The following ADAMTSL2 variants were observed in gnomAD, a reference collection of about 807,000 sequenced individuals.
ADAMTSL2 encodes the protein ADAMTS like 2.
A neutral mutation model predicts 117.0 loss-of-function variants in ADAMTSL2; 55 were observed. That is an observed-to-expected ratio of 0.47 (90% CI 0.38 to 0.59). ADAMTSL2 has a LOEUF of 0.59. Ranked by LOEUF, ADAMTSL2 falls within the 20% of genes least tolerant of loss-of-function variation. The pLI, the probability that ADAMTSL2 is intolerant of heterozygous loss-of-function variation, is 0.00. For synonymous variants in ADAMTSL2, 572 were observed against 566.4 expected, an observed-to-expected ratio of 1.01 and a Z score of -0.14; for missense variants, 1,182 against 1,354.5, an observed-to-expected ratio of 0.87 and a Z score of 2.00.
chr9:133,541,118 G>A (rs1463959365), intron 7 of ADAMTSL2, 117 bp downstream of exon 7: 1 of 1,454,446 alleles, frequency 6.9e-7, no homozygotes, highest in Non-Finnish European at 9.4e-7. Flanking sequence ...CCCCTCTAGG[G>A]GCACCTGATT....
At chr9:133,571,961 C>T (rs370822087) in intron 17 of ADAMTSL2, among the ~76,000 whole-genome samples, 3 of 152,190 alleles carry the variant, frequency 2.0e-5, no homozygotes, top group Non-Finnish European at 2.9e-5. Flanking sequence ...CAGGCCCTGG[C>T]GCCCGAGGGC....
chr9:133,572,165 C>G lies in ADAMTSL2; in HGVS notation c.2592+1658C>G, dbSNP rs1233584240. On this transcript the variant is annotated intron_variant, in intron 17 of 18. Transcript: ENST00000651351. Reference sequence around the variant, plus strand: ...CGCTTGGTGGTGTCTGGCCTCCACCCTGCCCCGCCACCCCCCACCCCCCAC... The same window carrying G: ...CGCTTGGTGGTGTCTGGCCTCCACCGTGCCCCGCCACCCCCCACCCCCCAC... 6.7e-5 allele frequency among the ~76,000 whole-genome samples: 10 copies of G among 148,290 alleles called. No homozygotes were observed. In the East Asian group the frequency reaches 2.0e-3, roughly 30 times the overall value.
intron 5 of ADAMTSL2, 144 bp downstream of exon 5, chr9:133,540,017 C>G (rs1830173189): frequency 1.3e-6 from 1 of 770,180 alleles, no homozygotes; most frequent in Admixed American, 2.0e-5. Context: ...GAACCTGGGT[C>G]TCCTGAGCCC....
chr9:133,561,064 G>A (rs1472351245), intron 11 of ADAMTSL2, 134 bp from the exon 12 acceptor site: 1 of 773,648 alleles, frequency 1.3e-6, no homozygotes, highest in Non-Finnish European at 2.3e-6. Context: ...GTGGAGGGTC[G>A]GCCCGGGGCT....
chr9:133,545,948 G>A (rs572385374), intron 8 of ADAMTSL2, among the ~76,000 whole-genome samples: 131 of 152,222 alleles, frequency 8.6e-4, no homozygotes, highest in African/African-American at 2.9e-3. Context: ...AAGCAGACAT[G>A]TCCTGCTTGT....
chr9:133,561,241 A>C lies in ADAMTSL2; in HGVS notation c.1693A>C (p.Met565Leu). 5 of 1,608,660 alleles carry C rather than the reference A, an allele frequency of 3.1e-6. No individual in the cohort carries two copies. Among genetic ancestry groups the C allele is most frequent in the Non-Finnish European group, 4.2e-6 (5 of 1,178,070 alleles). Reference protein sequence around the residue: ...ARKQGVSPADMYRWKLSSHEP... With the variant: ...ARKQGVSPADLYRWKLSSHEP... ...CAAGCAAGGCGTGAGTCCCGCGGAC[A>C]TGTACCGGTGGAAGCTCTCGTCCCA... The change falls in exon 12 of 19, where the codon ATG becomes CTG. Residue 565 changes from methionine (M) to leucine (L), a missense_variant. Coordinates refer to ENST00000651351, the MANE Select transcript of ADAMTSL2 (RefSeq NM_014694.4).
intron 18 of ADAMTSL2, 139 bp from the exon 19 acceptor site, chr9:133,574,607 G>T (rs1373440219): frequency 9.0e-6 from 7 of 776,706 alleles, no homozygotes; most frequent in Non-Finnish European, 1.7e-5. Context: ...GAAGGAGGGG[G>T]CAGAGAGCTA....
In ADAMTSL2 at chr9:133,557,647, C is replaced by T. The variant is rs960539210; in HGVS notation, c.1649+1717C>T. 6.6e-6 allele frequency among the ~76,000 whole-genome samples: 1 copy of T among 152,214 alleles called. No individual in the cohort carries two copies. The highest frequency in any genetic ancestry group is 1.5e-5 in the Non-Finnish European group (1 of 68,030). ...TCTGTCTGTGTCTTCAGCGTGGGCC[C>T]TCTTCACCTCCCAGGGCAGTCCGGG... On this transcript the variant is annotated intron_variant, in intron 11 of 18. Coordinates refer to ENST00000651351, the MANE Select transcript of ADAMTSL2 (RefSeq NM_014694.4). This position sits in a 1 kb window ranked among gnomAD's most constrained non-coding sequence, Gnocchi z 5.2.
chr9:133,560,089 G>A (rs1442250679), intron 11 of ADAMTSL2, among the ~76,000 whole-genome samples: 5 of 152,318 alleles, frequency 3.3e-5, no homozygotes, highest in East Asian at 3.9e-4. Context: ...TCTGTATCAC[G>A]GAGTCAATCT....
chr9:133,537,264 G>C (rs1324051650), intron 2 of ADAMTSL2, 141 bp from the exon 3 acceptor site: 1 of 935,708 alleles, frequency 1.1e-6, no homozygotes, highest in African/African-American at 1.7e-5. Flanking sequence ...CCAAGCTGCC[G>C]AGTGACCCTG....
rs1461499388 is a variant in ADAMTSL2 at position 133,554,590 on chromosome 9, G to A, written c.1173G>A (p.Leu391=). ...ACCGGCTGTTCGGCCACCCGGGCCT[G>A]GACATGGAGCTGGGCCCCAGCCAGG... ...LDNRLFGHPG[L]DMELGPSQGQ... The change falls in exon 10 of 19, where the codon CTG becomes CTA. Residue 391 remains leucine, a synonymous_variant. Coordinates refer to ENST00000651351, the MANE Select transcript of ADAMTSL2 (RefSeq NM_014694.4). The surrounding 1 kb of genome is among the most constrained non-coding windows in gnomAD (Gnocchi z 5.2). 42 of 1,548,522 alleles carry A rather than the reference G, an allele frequency of 2.7e-5. No individual in the cohort carries two copies. The highest frequency in any genetic ancestry group is 5.5e-5 in the African/African-American group (4 of 73,364).
In ADAMTSL2 at chr9:133,539,993, G is replaced by A. The variant is rs566433780; in HGVS notation, c.412+120G>A. ...GGTGGGGAAATGGAGGTGGTCAGAC[G>A]AAGAGCCAGGAATGAACCTGGGTCT... On this transcript the variant is annotated intron_variant, in intron 5 of 18. Transcript: ENST00000651351. 2.2e-4 allele frequency: 207 copies of A among 928,830 alleles called. No homozygotes were observed. In the African/African-American group the frequency reaches 2.5e-3, roughly 11 times the overall value. The allele number at this position is 928,830 out of a possible 1,614,324, so 57.5% of individuals were successfully genotyped here.
Position 133,570,404 on chromosome 9 carries a change from A to G in ADAMTSL2, c.2489A>G (p.Gln830Arg). Residue 830 changes from glutamine (Q) to arginine (R), a missense_variant, in exon 17 of 19, where the codon CAG (glutamine) becomes CGG (arginine). Transcript: ENST00000651351. ...LCMELANGKP[Q>R]TRSGPECGLA... ...ATGGAGCTGGCCAACGGGAAGCCGCAGACGCGCAGTGGCCCCGAGTGCGGG... is the reference window on the plus strand; with the variant it reads ...ATGGAGCTGGCCAACGGGAAGCCGCGGACGCGCAGTGGCCCCGAGTGCGGG... 6.3e-7 allele frequency: 1 copy of G among 1,587,174 alleles called. No homozygotes were observed. Among genetic ancestry groups the G allele is most frequent in the Non-Finnish European group, 8.6e-7 (1 of 1,167,820 alleles).
chr9:133,539,915 G>T (rs755326984), intron 5 of ADAMTSL2, 42 bp downstream of exon 5: 10 of 1,536,316 alleles, frequency 6.5e-6, no homozygotes, highest in Middle Eastern at 1.7e-4. Flanking sequence ...GGAGCTGACT[G>T]AGCTTTGGGG....
At chr9:133,539,679 C>CCCGGCTGTCCCGGCTGTA in intron 4 of ADAMTSL2, 92 bp from the exon 5 acceptor site, 3 of 1,331,702 alleles carry the variant, frequency 2.3e-6, no homozygotes, top group Non-Finnish European at 3.1e-6. Context: ...TCCCGGCTGT[C>CCCGGCTGTCCCGGCTGTA]CCGGCTGCAG....
Position 133,539,866 on chromosome 9 carries a change from G to A in ADAMTSL2, c.405G>A (p.Leu135=). 1 of 1,550,950 alleles carries A rather than the reference G, an allele frequency of 6.4e-7. No individual in the cohort carries two copies. The stretch of plus-strand genomic sequence containing the variant: ...GGCGGACGCACCAGTGGAAGCCTCT[G>A]TACCCGGGTACCTGCCGCCCTGGGG... ...YNGRTHQWKP[L]YPDDYVHISS... Residue 135 remains leucine (L), a synonymous_variant, in exon 5 of 19, where the codon CTG becomes CTA. Transcript: ENST00000651351.
chr9:133,570,249 T>C, intron 16 of ADAMTSL2, 82 bp from the exon 17 acceptor site: 7 of 1,480,142 alleles, frequency 4.7e-6, no homozygotes, highest in Non-Finnish European at 6.4e-6. Flanking sequence ...ACCAGCCCGT[T>C]GTCACCAGAG....
At position 133,540,753 on chromosome 9, in the gene ADAMTSL2, CGTT is replaced by C. The variant is rs769549550; in HGVS notation, c.558+13_558+15del. On this transcript the variant is annotated intron_variant, in intron 6 of 18. Coordinates refer to ENST00000651351, the MANE Select transcript of ADAMTSL2 (RefSeq NM_014694.4). ...GTCTGGAAAATGTGAGGTTGTTAAACGTTGTAGCAAAAGTACCGCCGGTCTCAC... is the reference window on the plus strand; with the variant it reads ...GTCTGGAAAATGTGAGGTTGTTAAACGTAGCAAAAGTACCGCCGGTCTCAC... 1.9e-6 allele frequency: 3 copies of C among 1,613,794 alleles called. No homozygotes were observed. Among genetic ancestry groups the C allele is most frequent in the East Asian group, 2.2e-5 (1 of 44,882 alleles).
intron 1 of ADAMTSL2, among the ~76,000 whole-genome samples, chr9:133,535,841 G>A (rs986473828): frequency 6.6e-6 from 1 of 152,150 alleles, no homozygotes; most frequent in Non-Finnish European, 1.5e-5. Flanking sequence ...GGGCAGGGTC[G>A]ACGCTGAGGA....
Sources: allele counts gnomAD v4.1 joint callset (sites outside exome capture counted in the v4.1 genomes callset), GRCh38; gene constraint gnomAD v4.1.1; non-coding constraint Gnocchi (gnomAD v3.1); transcripts MANE v1.5; gene names NCBI Gene and HGNC (gene_info 2026-07-23, HGNC 2026-07-21).